Variants in FBXL17 observed in about 807,000 individuals in gnomAD.
FBXL17 encodes F-box/LRR-repeat protein 17.
A neutral mutation model predicts 66.2 loss-of-function variants in FBXL17; 22 were observed. That is an observed-to-expected ratio of 0.33 (90% confidence interval 0.24 to 0.47). The LOEUF is 0.47. FBXL17 is among the 20% of genes least tolerant of loss of function. The probability of loss-of-function intolerance (pLI) is 1.00; values close to 1 mark genes in which losing one functional copy is unlikely to be tolerated. For synonymous variants in FBXL17, 474 were observed against 400.5 expected (o/e 1.18, Z -2.19); for missense variants, 878 against 948.2 (o/e 0.93, Z 0.97).
intron 6 of FBXL17, among the ~76,000 whole-genome samples, chr5:108,108,056 T>C (rs1360097892): frequency 6.6e-6 from 1 of 152,110 alleles, no homozygotes; most frequent in African/African-American, 2.4e-5. Flanking sequence ...CACTAGTGTG[T>C]TTCTGCTTCA....
At chr5:108,042,351 C>T (rs1409104204) in intron 6 of FBXL17, among the ~76,000 whole-genome samples, 1 of 152,164 alleles carries the variant, frequency 6.6e-6, no homozygotes, top group East Asian at 1.9e-4. Flanking sequence ...TACAGTTGCA[C>T]AGAGAACATT....
rs182094919 is a variant in FBXL17, at chr5:108,019,227, T to G, written c.1822+1698A>C. 1.6e-3 allele frequency among the ~76,000 whole-genome samples: 240 copies of G among 152,268 alleles called. 1 individual carries two copies. Among genetic ancestry groups the G allele is most frequent in the African/African-American group, 5.6e-3 (232 of 41,570 alleles). ...TTACAACTGAGGAAATGGAGTGTCC[T>G]ATATGTGAAGGAACTTCCCTAAGGT... is the stretch of plus-strand genomic sequence containing the variant. On this transcript the variant is annotated intron_variant, in intron 7 of 8. Coordinates refer to ENST00000542267, the MANE Select transcript of FBXL17 (RefSeq NM_001163315.3).
At chr5:107,954,454 T>C (rs1214963846) in intron 7 of FBXL17, among the ~76,000 whole-genome samples, 3 of 152,242 alleles carry the variant, frequency 2.0e-5, no homozygotes, top group Non-Finnish European at 4.4e-5. Flanking sequence ...TCAGTGGGCC[T>C]GTAGGCCATG....
At chr5:108,025,428 T>C (rs1226607005) in intron 6 of FBXL17, among the ~76,000 whole-genome samples, 2 of 151,916 alleles carry the variant, frequency 1.3e-5, no homozygotes, top group African/African-American at 4.8e-5. Flanking sequence ...ACCCCACAGA[T>C]CTAAAACAAA....
At chr5:107,951,361 T>C (rs919380898) in intron 7 of FBXL17, among the ~76,000 whole-genome samples, 8 of 152,244 alleles carry the variant, frequency 5.3e-5, no homozygotes, top group Admixed American at 4.6e-4. Context: ...GTTTTATTTA[T>C]GTGTAGAGCT....
intron 7 of FBXL17, among the ~76,000 whole-genome samples, chr5:107,944,676 A>G (rs930870524): frequency 2.6e-5 from 4 of 152,210 alleles, no homozygotes; most frequent in Admixed American, 2.0e-4. Flanking sequence ...ATTAACTTTG[A>G]TGAGACTGCC....
chr5:108,065,874 C>T (rs915843441), intron 6 of FBXL17, among the ~76,000 whole-genome samples: 9 of 151,978 alleles, frequency 5.9e-5, no homozygotes, highest in Admixed American at 3.9e-4. Context: ...CTATCTGAAC[C>T]GGAAATCCTA....
intron 7 of FBXL17, among the ~76,000 whole-genome samples, chr5:107,983,464 G>A (rs1752901539): frequency 6.6e-6 from 1 of 151,666 alleles, no homozygotes; most frequent in Admixed American, 6.6e-5. Context: ...AAAGTGTTGA[G>A]ATAACAGGCA....
chr5:107,988,960 G>A (rs912640598), intron 7 of FBXL17, among the ~76,000 whole-genome samples: 3 of 151,924 alleles, frequency 2.0e-5, no homozygotes, highest in African/African-American at 7.2e-5. Context: ...CTCATATCAT[G>A]GCTATTTGCC....
At chr5:108,203,150 C>CT (rs1753969421) in intron 5 of FBXL17, among the ~76,000 whole-genome samples, 1 of 151,724 alleles carries the variant, frequency 6.6e-6, no homozygotes, top group African/African-American at 2.4e-5. Flanking sequence ...TTATGAGGAA[C>CT]TTTCGTACAT....
At chr5:108,295,965 A>C (rs1476671923) in intron 4 of FBXL17, among the ~76,000 whole-genome samples, 3 of 51,414 alleles carry the variant, frequency 5.8e-5, no homozygotes, top group African/African-American at 2.6e-4. Context: ...AAACAAAACC[A>C]AAAAAAAAAA....
At chr5:108,086,088 A>T (rs1339559925) in intron 6 of FBXL17, among the ~76,000 whole-genome samples, 1 of 152,152 alleles carries the variant, frequency 6.6e-6, no homozygotes, top group African/African-American at 2.4e-5. Context: ...AGAAACTGGA[A>T]TTCCTCAATC....
intron 7 of FBXL17, among the ~76,000 whole-genome samples, chr5:107,987,756 T>C (rs1753077191): frequency 2.0e-5 from 3 of 152,068 alleles, no homozygotes; most frequent in African/African-American, 2.4e-5. Flanking sequence ...CCTGGTTGGG[T>C]ATGACAAAAT....
At chr5:107,883,485 C>T (rs969373067) in intron 7 of FBXL17, among the ~76,000 whole-genome samples, 3 of 151,922 alleles carry the variant, frequency 2.0e-5, no homozygotes, top group South Asian at 2.1e-4. Context: ...GTGGGTGCGA[C>T]GTGGGGTAGA....
intron 7 of FBXL17, among the ~76,000 whole-genome samples, chr5:107,883,288 T>A (rs1164859211): frequency 6.6e-6 from 1 of 152,080 alleles, no homozygotes; most frequent in African/African-American, 2.4e-5. Context: ...TGTCACAAGA[T>A]AGTAAGTGGG....
chr5:108,233,561 T>C (rs1370452794), intron 4 of FBXL17, among the ~76,000 whole-genome samples: 4 of 152,166 alleles, frequency 2.6e-5, no homozygotes, highest in Admixed American at 6.5e-5. Context: ...GTCAATGCTG[T>C]GATAGAGACA....
chr5:108,349,389 T>C (rs1417868206), intron 3 of FBXL17, among the ~76,000 whole-genome samples: 1 of 152,156 alleles, frequency 6.6e-6, no homozygotes, highest in African/African-American at 2.4e-5. Context: ...CTTCTGCCTA[T>C]GAATCTTCTC....
At chr5:108,369,353 T>C (rs953061133) in intron 1 of FBXL17, among the ~76,000 whole-genome samples, 4 of 152,194 alleles carry the variant, frequency 2.6e-5, no homozygotes, top group Non-Finnish European at 5.9e-5. Context: ...TTATGTCTCA[T>C]GTCTCCCTAA....
chr5:108,088,013 G>T (rs187232494), intron 6 of FBXL17, among the ~76,000 whole-genome samples: 60 of 152,212 alleles, frequency 3.9e-4, no homozygotes, highest in African/African-American at 1.4e-3. Flanking sequence ...TATTAAAGGG[G>T]ATTTCATGTA....
Sources: gnomAD v4.1 joint callset for allele counts (sites outside exome capture counted in the v4.1 genomes callset) on GRCh38, gnomAD v4.1.1 for gene constraint, MANE v1.5 for transcripts, NCBI Gene and HGNC (gene_info 2026-07-23, HGNC 2026-07-21) for gene names.